Variants in ACOT1 observed in about 807,000 individuals in gnomAD.
The protein encoded by ACOT1 is acyl-CoA thioesterase 1, also known as acyl-coenzyme A thioesterase 1.
In ACOT1, 8 loss-of-function variants were observed where a neutral mutation model predicts 15.7. That is an observed-to-expected ratio of 0.51 (90% confidence interval 0.30 to 0.92). The LOEUF is 0.92. Ranked by LOEUF, ACOT1 falls within the 40% of genes least tolerant of loss-of-function variation. The probability of loss-of-function intolerance (pLI) is 0.06; values close to 1 mark genes in which losing one functional copy is unlikely to be tolerated. For missense variants in ACOT1, 151 were observed against 539.4 expected (o/e 0.28, Z 7.13); for synonymous variants, 67 against 241.2 (o/e 0.28, Z 6.69).
At chr14:73,496,965 G>A in the ACOT1 span, among the ~76,000 whole-genome samples, 5 of 152,130 alleles carry the variant, frequency 3.3e-5, no homozygotes, top group East Asian at 1.9e-4. Flanking sequence ...ATCTCGTCTC[G>A]GCTCACTGCA....
the ACOT1 span, chr14:73,523,033 A>G: frequency 6.2e-7 from 1 of 1,614,112 alleles, no homozygotes; most frequent in Non-Finnish European, 8.5e-7. Flanking sequence ...AGACAGAGGC[A>G]CACTCCTCCT....
chr14:73,536,456 G>A (rs1426681141), upstream of ACOT1, among the ~76,000 whole-genome samples: 1 of 101,072 alleles, frequency 9.9e-6, no homozygotes, highest in African/African-American at 3.3e-5. Flanking sequence ...TTGTAAGTGC[G>A]CAGTGATGGT....
the ACOT1 span, chr14:73,520,495 GGTGGGAGAATATCTCGAA>G: frequency 1.7e-4 from 31 of 178,520 alleles, no homozygotes; most frequent in Middle Eastern, 2.4e-3. Context: ...ATAGCACCTT[GGTGGGAGAATATCTCGAA>G]GTGGGAGAAT....
the ACOT1 span, chr14:73,495,260 G>A: frequency 6.2e-7 from 1 of 1,614,016 alleles, no homozygotes; most frequent in Non-Finnish European, 8.5e-7. Context: ...AGTCTGGAGT[G>A]TTAGTGGTCC....
the ACOT1 span, among the ~76,000 whole-genome samples, chr14:73,517,681 AGAAG>A: frequency 7.8e-4 from 106 of 136,674 alleles, 1 homozygote; most frequent in African/African-American, 2.8e-3. Flanking sequence ...AAAAAAAAAA[AGAAG>A]AAGAAAAGAG....
the ACOT1 span, among the ~76,000 whole-genome samples, chr14:73,527,961 CAAAAAAAA>C: frequency 5.3e-3 from 278 of 52,710 alleles, 2 homozygotes; most frequent in African/African-American, 0.018. Context: ...AACTCCATCT[CAAAAAAAA>C]AAAAAAAAAA....
At chr14:73,491,965 A>G in the ACOT1 span, 3 of 1,613,956 alleles carry the variant, frequency 1.9e-6, no homozygotes, top group Non-Finnish European at 2.5e-6. Context: ...CTGTGCTTCA[A>G]GAGCAGTTTG....
the ACOT1 span, among the ~76,000 whole-genome samples, chr14:73,495,694 C>T: frequency 6.6e-6 from 1 of 152,110 alleles, no homozygotes; most frequent in Non-Finnish European, 1.5e-5. Flanking sequence ...TATACCTGTT[C>T]GTGAAAATTT....
chr14:73,537,961 C>T lies in ACOT1; in HGVS notation c.457+83C>T. On this transcript the variant is annotated intron_variant, in intron 1 of 2. Transcript: ENST00000311148. ...TGTGTGTGTGTGTGTGTCCCCTTCG[C>T]CCCGCCCCGCTCTTTTCGCTTGTGT... 2 of 1,029,316 alleles carry T rather than the reference C, an allele frequency of 1.9e-6. 1 individual carries two copies. Among genetic ancestry groups the T allele is most frequent in the Non-Finnish European group, 2.5e-6 (2 of 805,428 alleles). 63.8% of individuals were successfully genotyped at this position (1,029,316 alleles called of 1,614,324 possible).
In ACOT1 at chr14:73,538,783, C is replaced by A. The variant is rs546766750; in HGVS notation, c.457+905C>A. Among the ~76,000 whole-genome samples the A allele has an allele frequency of 7.7e-3, 869 of 113,316 alleles. 179 individuals are homozygous for A. Among genetic ancestry groups the A allele is most frequent in the African/African-American group, 0.023 (808 of 34,716 alleles). The allele number at this position is 113,316 out of a possible 152,430, so 74.3% of individuals were successfully genotyped here. ...AAGAGTTCGAGACCAGCCTGGCCAA[C>A]ATGGTGAAACCCCGTCTCTACTAAA... is the stretch of plus-strand genomic sequence containing the variant. On this transcript the variant is annotated intron_variant, in intron 1 of 2. Coordinates refer to ENST00000311148, the MANE Select transcript of ACOT1 (RefSeq NM_001037161.2).
the ACOT1 span, among the ~76,000 whole-genome samples, chr14:73,495,814 A>G: frequency 6.6e-6 from 1 of 152,056 alleles, no homozygotes; most frequent in African/African-American, 2.4e-5. Context: ...CCTTCATCTT[A>G]TCTAACAGCT....
chr14:73,492,290 C>G, the ACOT1 span: 1 of 1,613,912 alleles, frequency 6.2e-7, no homozygotes, highest in Non-Finnish European at 8.5e-7. The surrounding 1 kb of genome is among the most constrained non-coding windows in gnomAD (Gnocchi z 4.9). Context: ...CACGTACCAG[C>G]GCAATACCTG....
the ACOT1 span, chr14:73,503,136 T>G: frequency 6.4e-4 from 494 of 765,892 alleles, 2 homozygotes; most frequent in Non-Finnish European, 5.0e-4. Context: ...TCCTGAGTGT[T>G]TTTTCCCATC....
the ACOT1 span, among the ~76,000 whole-genome samples, chr14:73,502,096 G>C: frequency 7.2e-6 from 1 of 139,672 alleles, no homozygotes; most frequent in East Asian, 2.1e-4. Flanking sequence ...GTCTTGCTAT[G>C]TTGCCCAGGC....
chr14:73,508,751 CAAA>C, the ACOT1 span, among the ~76,000 whole-genome samples: 4 of 57,878 alleles, frequency 6.9e-5, no homozygotes, highest in African/African-American at 6.5e-5. Flanking sequence ...AACTCTGTCT[CAAA>C]AAAAAAAAAA....
the ACOT1 span, chr14:73,530,359 C>G: frequency 1.5e-5 from 2 of 136,370 alleles, 1 homozygote; most frequent in Non-Finnish European, 3.2e-5. Context: ...CACAAGCTCT[C>G]AGGTTTAATA....
the ACOT1 span, chr14:73,496,486 A>G: frequency 7.6e-6 from 5 of 661,402 alleles, no homozygotes; most frequent in East Asian, 1.3e-4. Flanking sequence ...CTGGGGTTTT[A>G]GAAAGTACTT....
upstream of ACOT1, chr14:73,537,116 C>A: frequency 3.9e-6 from 1 of 258,090 alleles, no homozygotes; most frequent in South Asian, 5.8e-5. Context: ...CCCGAGTAGC[C>A]GGGACGAACC....
the ACOT1 span, chr14:73,491,748 C>T: frequency 6.4e-7 from 1 of 1,557,906 alleles, no homozygotes; most frequent in Non-Finnish European, 8.7e-7. Flanking sequence ...CTTTTCTCTA[C>T]CGCTGACCTG....
Sources: allele counts gnomAD v4.1 joint callset (sites outside exome capture counted in the v4.1 genomes callset), GRCh38; gene constraint gnomAD v4.1.1; non-coding constraint Gnocchi (gnomAD v3.1); transcripts MANE v1.5; gene names NCBI Gene and HGNC (gene_info 2026-07-23, HGNC 2026-07-21).